The following ERCC8 variants were observed in gnomAD, a reference collection of about 807,000 sequenced individuals.
ERCC8 encodes the protein ERCC excision repair 8, CSA ubiquitin ligase complex subunit.
ERCC8 carries 52 observed loss-of-function variants against 54.9 expected under a neutral mutation model. The ratio of observed to expected loss-of-function variants is 0.95; its 90% CI spans 0.76 to 1.19. ERCC8 has a LOEUF of 1.19. Among genes scored for constraint, ERCC8 ranks in the 50% most tolerant of loss-of-function variants. ERCC8 has a pLI of 0.00. For missense variants in ERCC8, 514 were observed against 466.1 expected, an observed-to-expected ratio of 1.10 and a Z score of -0.95; for synonymous variants, 146 against 157.2, an observed-to-expected ratio of 0.93 and a Z score of 0.53.
At chr5:60,881,682 G>A (rs190594921) in intron 11 of ERCC8, among the ~76,000 whole-genome samples, 3 of 152,334 alleles carry the variant, frequency 2.0e-5, no homozygotes, top group African/African-American at 7.2e-5. Context: ...TAATCTCCTG[G>A]TGTGCTGTTT....
chr5:60,938,087 TTTA>T (rs747219639), intron 1 of ERCC8, among the ~76,000 whole-genome samples: 4,342 of 24,916 alleles, frequency 0.17, 207 homozygotes, highest in Admixed American at 0.29. Context: ...ATATATATAT[TTTA>T]TTTTTTTTTT....
At chr5:60,911,384 T>C (rs1286290123) in intron 4 of ERCC8, among the ~76,000 whole-genome samples, 1 of 152,164 alleles carries the variant, frequency 6.6e-6, no homozygotes, top group African/African-American at 2.4e-5. Context: ...GTTGGCTGCA[T>C]AAATGTCTTC....
At chr5:60,903,450 T>C in intron 6 of ERCC8, 198 bp downstream of exon 6, 1 of 811,730 alleles carries the variant, frequency 1.2e-6, no homozygotes, top group Non-Finnish European at 1.8e-6. Flanking sequence ...CAATGATCAT[T>C]GTTCATATAA....
At chr5:60,886,570 C>T (rs779813259) in intron 11 of ERCC8, among the ~76,000 whole-genome samples, 16 of 151,754 alleles carry the variant, frequency 1.1e-4, no homozygotes, top group Admixed American at 9.2e-4. Flanking sequence ...GGCGTGGTGG[C>T]GGGTACCTGT....
chr5:60,933,443 T>C (rs974405253), intron 1 of ERCC8, among the ~76,000 whole-genome samples: 3 of 152,104 alleles, frequency 2.0e-5, no homozygotes, highest in African/African-American at 7.2e-5. Context: ...GGTCTCAAAC[T>C]CCTGACTGCA....
At chr5:60,897,449 A>G (rs1748753736) in intron 9 of ERCC8, among the ~76,000 whole-genome samples, 1 of 152,210 alleles carries the variant, frequency 6.6e-6, no homozygotes, top group Non-Finnish European at 1.5e-5. Context: ...GGCAAATTAA[A>G]TGCTAATTAT....
At position 60,884,336 on chromosome 5, in the gene ERCC8, C is replaced by A. The variant is rs1748330371; in HGVS notation, c.1122+3104G>T. Among the ~76,000 whole-genome samples the A allele has an allele frequency of 2.0e-5, 3 of 151,540 alleles. No homozygotes were observed. In the South Asian group the frequency reaches 6.2e-4, roughly 32 times the overall value. On this transcript the variant is annotated intron_variant, in intron 11 of 11. Coordinates refer to ENST00000676185, the MANE Select transcript of ERCC8 (RefSeq NM_000082.4). ...CTAAAAATACAAAAAATTAGCTGGGCGTGGTGGTGGGCGCCTGTAGTCCCA... is the reference window on the plus strand; with the variant it reads ...CTAAAAATACAAAAAATTAGCTGGGAGTGGTGGTGGGCGCCTGTAGTCCCA...
chr5:60,932,820 A>C (rs1418254911), intron 1 of ERCC8, among the ~76,000 whole-genome samples: 2 of 152,130 alleles, frequency 1.3e-5, no homozygotes, highest in Non-Finnish European at 2.9e-5. Context: ...AAGAGAAGGG[A>C]AAATGGGCAA....
At chr5:60,943,391 G>A (rs1750322662) in intron 1 of ERCC8, among the ~76,000 whole-genome samples, 1 of 152,164 alleles carries the variant, frequency 6.6e-6, no homozygotes, top group African/African-American at 2.4e-5. Flanking sequence ...GTGAGAAATA[G>A]CATAAAAGTT....
At chr5:60,942,716 G>A (rs570727617) in intron 1 of ERCC8, among the ~76,000 whole-genome samples, 5 of 152,200 alleles carry the variant, frequency 3.3e-5, no homozygotes, top group South Asian at 2.1e-4. Context: ...CTTGATTATG[G>A]TAATGGTTTC....
intron 2 of ERCC8, among the ~76,000 whole-genome samples, chr5:60,923,226 A>C (rs1240867842): frequency 1.3e-5 from 2 of 152,168 alleles, no homozygotes; most frequent in African/African-American, 2.4e-5. Flanking sequence ...CTATTCAAAA[A>C]CTTTGCAAAA....
At chr5:60,896,064 G>A (rs1579999886) in intron 9 of ERCC8, among the ~76,000 whole-genome samples, 4 of 151,954 alleles carry the variant, frequency 2.6e-5, no homozygotes, top group South Asian at 2.1e-4. Flanking sequence ...TCGGCTCACC[G>A]CAACCTCTGC....
chr5:60,904,799 C>G lies in ERCC8; in HGVS notation c.474G>C (p.Leu158Phe), dbSNP rs1749021472. 11 of 1,592,444 alleles carry G rather than the reference C, an allele frequency of 6.9e-6. No individual in the cohort carries two copies. Among genetic ancestry groups the G allele is most frequent in the Non-Finnish European group, 9.5e-6 (11 of 1,162,240 alleles). Residue 158 changes from leucine to phenylalanine, a missense_variant, in exon 5 of 12, where the codon TTG becomes TTC. Leu to Phe is a conservative substitution (Grantham distance 22, BLOSUM62 0). Coordinates refer to ENST00000676185, the MANE Select transcript of ERCC8 (RefSeq NM_000082.4). ...AAGAATACACTTACAAACCTGCTAC[C>G]AAACAGTGCTTGGTGGAGACTGGAG... is the stretch of plus-strand genomic sequence containing the variant. ...HMSPVSTKHC[L>F]VAVGTRGPKV...
chr5:60,919,282 A>G (rs1164197903), intron 3 of ERCC8: 1 of 151,998 alleles, frequency 6.6e-6, no homozygotes, highest in Non-Finnish European at 1.5e-5. Context: ...TAGAGATGAA[A>G]CAAGATTGGT....
chr5:60,878,160 T>C (rs1424110801), intron 11 of ERCC8, among the ~76,000 whole-genome samples: 2 of 152,246 alleles, frequency 1.3e-5, no homozygotes, highest in Non-Finnish European at 2.9e-5. Context: ...TCTGTTTATA[T>C]GCTCGATTAC....
intron 5 of ERCC8, 126 bp from the exon 6 acceptor site, chr5:60,903,842 A>T (rs1748974547): frequency 4.6e-6 from 4 of 872,708 alleles, no homozygotes; most frequent in Non-Finnish European, 7.2e-6. Flanking sequence ...ATATATGCCA[A>T]AATTACATTG....
intron 9 of ERCC8, chr5:60,892,199 G>A (rs1163207129): frequency 1.5e-5 from 8 of 527,556 alleles, no homozygotes; most frequent in Non-Finnish European, 3.1e-5. Flanking sequence ...ATGACGATTC[G>A]GATTGGTGCA....
At chr5:60,886,521 G>A (rs1748394802) in intron 11 of ERCC8, among the ~76,000 whole-genome samples, 1 of 151,976 alleles carries the variant, frequency 6.6e-6, no homozygotes, top group Non-Finnish European at 1.5e-5. Flanking sequence ...GACAAACATG[G>A]TGAGACCACG....
chr5:60,893,448 C>T (rs373688537), intron 9 of ERCC8: 1 of 950,786 alleles, frequency 1.1e-6, no homozygotes, highest in African/African-American at 1.6e-5. Flanking sequence ...TTGGCATGAT[C>T]ATTGGAGTGA....
Sources: gnomAD v4.1 joint callset for allele counts (sites outside exome capture counted in the v4.1 genomes callset) on GRCh38, gnomAD v4.1.1 for gene constraint, MANE v1.5 for transcripts, NCBI Gene and HGNC (gene_info 2026-07-23, HGNC 2026-07-21) for gene names.